Variants in TMOD1 observed in about 807,000 individuals in gnomAD.
TMOD1 encodes tropomodulin-1.
In TMOD1, 17 loss-of-function variants were observed where a neutral mutation model predicts 40.6. The ratio of observed to expected loss-of-function variants is 0.42; its 90% CI spans 0.29 to 0.63. The LOEUF (loss-of-function observed/expected upper bound fraction) is 0.63, where lower values mean the gene tolerates loss of function less well. TMOD1 is among the 20% of genes least tolerant of loss of function. The pLI is 0.22. For synonymous variants in TMOD1, 181 were observed against 175.0 expected (o/e 1.03, Z -0.27); for missense variants, 391 against 447.6 (o/e 0.87, Z 1.14).
At chr9:97,536,469 A>T (rs1403958179) in intron 2 of TMOD1, among the ~76,000 whole-genome samples, 1 of 152,048 alleles carries the variant, frequency 6.6e-6, no homozygotes. Context: ...CCCCAGGACA[A>T]TTACTCAATG....
At chr9:97,552,016 TG>T (rs1434689766) in intron 3 of TMOD1, among the ~76,000 whole-genome samples, 2 of 152,218 alleles carry the variant, frequency 1.3e-5, no homozygotes, top group African/African-American at 4.8e-5. Flanking sequence ...TGCTAATTTT[TG>T]TATGTTGATC....
intron 8 of TMOD1, among the ~76,000 whole-genome samples, chr9:97,581,324 T>G (rs1825748682): frequency 6.7e-6 from 1 of 150,152 alleles, no homozygotes; most frequent in Non-Finnish European, 1.5e-5. Context: ...GGACATGAAC[T>G]CATCATTTTT....
Position 97,501,732 on chromosome 9 carries a change from G to C in TMOD1, c.-120G>C, listed in dbSNP as rs886947452. ...CGCCGGAGCACCGCGGCCTCCGCCC[G>C]CGTCCATCTGCCCGCCGCCCGCGCC... On this transcript the variant is annotated 5_prime_UTR_variant, in exon 1 of 10. Coordinates refer to ENST00000259365, the MANE Select transcript of TMOD1 (RefSeq NM_003275.4). The C allele has an allele frequency of 5.3e-5, 8 of 151,038 alleles. No individual in the cohort carries two copies. The highest frequency in any genetic ancestry group is 2.0e-4 in the African/African-American group (8 of 40,930). 9.4% of individuals were successfully genotyped at this position (151,038 alleles called of 1,614,324 possible). A position where few individuals can be genotyped will look rare whatever the true frequency, so the allele number is the denominator to read the frequency against.
intron 4 of TMOD1, among the ~76,000 whole-genome samples, chr9:97,554,839 G>C (rs1169305088): frequency 6.6e-6 from 1 of 152,172 alleles, no homozygotes; most frequent in East Asian, 1.9e-4. Flanking sequence ...CATTCGTTCA[G>C]GGGTGGGGGA....
At chr9:97,529,079 G>A (rs942891404) in intron 2 of TMOD1, among the ~76,000 whole-genome samples, 1 of 152,212 alleles carries the variant, frequency 6.6e-6, no homozygotes, top group South Asian at 2.1e-4. Context: ...TGGGTCTGGA[G>A]TCCACGACGT....
intron 3 of TMOD1, among the ~76,000 whole-genome samples, chr9:97,550,473 C>T (rs546676152): frequency 6.6e-6 from 1 of 152,264 alleles, no homozygotes; most frequent in Non-Finnish European, 1.5e-5. Context: ...GCAACCATAC[C>T]ACTTTACACT....
chr9:97,598,335 A>AAAG, intron 9 of TMOD1, among the ~76,000 whole-genome samples: 1 of 151,696 alleles, frequency 6.6e-6, no homozygotes, highest in African/African-American at 2.4e-5. Flanking sequence ...CTCAAAAAAA[A>AAAG]AAAAAAAAAA....
chr9:97,591,389 A>C lies in TMOD1; in HGVS notation c.969A>C (p.Gly323=). ...LKFGYHFTQQ[G]PRLRASNAMM... ...TCGGCTACCACTTTACCCAGCAAGG[A>C]CCCCGGCTTCGGGCATCCAACGCAA... The change falls in exon 9 of 10, where the codon GGA becomes GGC. Residue 323 remains glycine, a synonymous_variant. Coordinates refer to ENST00000259365, the MANE Select transcript of TMOD1 (RefSeq NM_003275.4). The C allele has an allele frequency of 6.2e-7, 1 of 1,614,204 alleles. No individual in the cohort carries two copies. The highest frequency in any genetic ancestry group is 8.5e-7 in the Non-Finnish European group (1 of 1,180,048).
At chr9:97,567,583 GTTA>G (rs1398355939) in intron 7 of TMOD1, among the ~76,000 whole-genome samples, 2 of 152,212 alleles carry the variant, frequency 1.3e-5, no homozygotes, top group Non-Finnish European at 2.9e-5. Context: ...CCTACTGGTT[GTTA>G]TTTTGATTTT....
rs1826229587 is a variant in TMOD1 at position 97,600,416 on chromosome 9, T to C, written c.*718T>C. On this transcript the variant is annotated 3_prime_UTR_variant, in exon 10 of 10. Transcript: ENST00000259365. ...GTCCCTGAGTGTTCTTTAAGAACAT[T>C]TGGGATTTATGTACAATTTAATACT... 11 of 985,732 alleles carry C rather than the reference T, an allele frequency of 1.1e-5. No individual in the cohort carries two copies. The highest frequency in any genetic ancestry group is 1.2e-5 in the Non-Finnish European group (10 of 830,094). 61.1% of individuals were successfully genotyped at this position (985,732 alleles called of 1,614,324 possible). A position where few individuals can be genotyped will look rare whatever the true frequency, so the allele number is the denominator to read the frequency against.
At chr9:97,528,555 T>C (rs890019684) in intron 2 of TMOD1, among the ~76,000 whole-genome samples, 1 of 152,226 alleles carries the variant, frequency 6.6e-6, no homozygotes, top group African/African-American at 2.4e-5. Context: ...TGCAAGACAG[T>C]ATGTGAGCTT....
intron 1 of TMOD1, among the ~76,000 whole-genome samples, chr9:97,519,524 C>A (rs781160896): frequency 5.3e-5 from 8 of 152,184 alleles, no homozygotes; most frequent in Non-Finnish European, 8.8e-5. Flanking sequence ...ATGCTGGGAG[C>A]CCCAGCGGCT....
intron 5 of TMOD1, among the ~76,000 whole-genome samples, chr9:97,563,779 A>G (rs1167841042): frequency 6.6e-6 from 1 of 152,212 alleles, no homozygotes; most frequent in Non-Finnish European, 1.5e-5. Context: ...TTACAGATGT[A>G]GACCCAAGGT....
rs1248046763 is a variant in TMOD1, at chr9:97,591,305, C to T, written c.885C>T (p.Gly295=). ...CTTGACTAAAGAGCCAGCCCCTGGGCAACAAAGTGGAAATGGAGATTGTGA... is the reference window on the plus strand; with the variant it reads ...CTTGACTAAAGAGCCAGCCCCTGGGTAACAAAGTGGAAATGGAGATTGTGA... ...MKIDNQSQPL[G]NKVEMEIVSM... The change falls in exon 9 of 10, where the codon GGC becomes GGT. Residue 295 remains glycine (G), a synonymous_variant. Coordinates refer to ENST00000259365, the MANE Select transcript of TMOD1 (RefSeq NM_003275.4). The T allele has an allele frequency of 6.2e-7, 1 of 1,613,892 alleles. No homozygotes were observed. The highest frequency in any genetic ancestry group is 1.1e-5 in the South Asian group (1 of 91,016).
At chr9:97,554,497 T>C (rs1830505141) in intron 4 of TMOD1, among the ~76,000 whole-genome samples, 1 of 149,302 alleles carries the variant, frequency 6.7e-6, no homozygotes, top group African/African-American at 2.5e-5. Context: ...ATTAGTGTTG[T>C]CAAGCTCCAG....
At chr9:97,595,756 T>G (rs1826096993) in intron 9 of TMOD1, among the ~76,000 whole-genome samples, 1 of 152,080 alleles carries the variant, frequency 6.6e-6, no homozygotes, top group South Asian at 2.1e-4. Flanking sequence ...CAAATCAGTT[T>G]CATCATAGTC....
chr9:97,596,067 A>C (rs1826103951), intron 9 of TMOD1, among the ~76,000 whole-genome samples: 1 of 151,332 alleles, frequency 6.6e-6, no homozygotes, highest in Non-Finnish European at 1.5e-5. Context: ...AGAAAACTCC[A>C]TCAAAAAAAA....
At chr9:97,553,524 C>T in intron 4 of TMOD1, 124 bp downstream of exon 4, 1 of 1,343,842 alleles carries the variant, frequency 7.4e-7, no homozygotes. Flanking sequence ...CTAGAGGAGA[C>T]CGAGAGTGTT....
rs1489751750 is a variant in TMOD1, at chr9:97,553,194, T to A, written c.278-87T>A. On this transcript the variant is annotated intron_variant, in intron 3 of 9. Coordinates refer to ENST00000259365, the MANE Select transcript of TMOD1 (RefSeq NM_003275.4). ...CTCAGCATGGAGGGACCCACAGGGCTCTACAATGGTCCACGCAGGGCTGTG... is the reference window on the plus strand; with the variant it reads ...CTCAGCATGGAGGGACCCACAGGGCACTACAATGGTCCACGCAGGGCTGTG... 4 of 1,587,258 alleles carry A rather than the reference T, an allele frequency of 2.5e-6. 1 individual carries two copies. The highest frequency in any genetic ancestry group is 2.3e-4 in the Middle Eastern group (1 of 4,398).
Sources: allele counts gnomAD v4.1 joint callset (sites outside exome capture counted in the v4.1 genomes callset), GRCh38; gene constraint gnomAD v4.1.1; transcripts MANE v1.5; gene names NCBI Gene and HGNC (gene_info 2026-07-23, HGNC 2026-07-21).